Variants in RARB observed in about 807,000 individuals in gnomAD.
RARB encodes the protein retinoic acid receptor beta, also known as HBV-activated protein.
RARB carries 17 observed loss-of-function variants against 51.9 expected under a neutral mutation model. The observed-to-expected ratio is 0.33, with a 90% CI of 0.22 to 0.49. RARB has a LOEUF of 0.49. RARB is among the 20% of genes least tolerant of loss of function. The probability of loss-of-function intolerance (pLI) is 0.99; values close to 1 mark genes in which losing one functional copy is unlikely to be tolerated. For missense variants in RARB, 369 were observed against 550.8 expected (o/e 0.67, Z 3.30); for synonymous variants, 215 against 195.4 (o/e 1.10, Z -0.84).
intron 2 of RARB, among the ~76,000 whole-genome samples, chr3:25,039,185 A>G (rs1022990839): frequency 1.3e-5 from 2 of 152,206 alleles, no homozygotes; most frequent in Admixed American, 6.5e-5. Flanking sequence ...TACACTCTGC[A>G]TTTGATTAGA....
intron 4 of RARB, among the ~76,000 whole-genome samples, chr3:25,138,409 T>C (rs1041619600): frequency 1.3e-5 from 2 of 151,776 alleles, no homozygotes; most frequent in African/African-American, 2.4e-5. Context: ...AAAAGGACCA[T>C]TGATTCAGTC....
chr3:25,289,600 T>G lies in RARB; in HGVS notation c.178+115025T>G, dbSNP rs182543986. 1.5e-3 allele frequency among the ~76,000 whole-genome samples: 230 copies of G among 152,364 alleles called. 1 individual carries two copies. The highest frequency in any genetic ancestry group is 5.3e-3 in the African/African-American group (219 of 41,588). On this transcript the variant is annotated intron_variant, in intron 5 of 11. Coordinates refer to the RARB transcript ENST00000383772. Reference sequence around the variant, plus strand: ...CACATCCACTTGAAATAATTTCACTTGACTTCATTAAGCTTGAAGGATTGC... The same window carrying G: ...CACATCCACTTGAAATAATTTCACTGGACTTCATTAAGCTTGAAGGATTGC...
At chr3:25,558,326 C>G (rs1248597552) in intron 3 of RARB, among the ~76,000 whole-genome samples, 1 of 152,158 alleles carries the variant, frequency 6.6e-6, no homozygotes, top group Non-Finnish European at 1.5e-5. Flanking sequence ...TTGCCAAAAC[C>G]AATGAACTTT....
At chr3:25,406,562 T>C (rs980595877) in intron 5 of RARB, among the ~76,000 whole-genome samples, 1 of 152,210 alleles carries the variant, frequency 6.6e-6, no homozygotes, top group Non-Finnish European at 1.5e-5. Flanking sequence ...TATAAGGATA[T>C]TGGATAATCT....
At chr3:25,475,569 T>G (rs775754121) in intron 2 of RARB, among the ~76,000 whole-genome samples, 15 of 152,182 alleles carry the variant, frequency 9.9e-5, no homozygotes, top group Non-Finnish European at 1.6e-4. Context: ...AGAAAAATTT[T>G]GGGGCTTGAT....
At chr3:24,880,545 A>G (rs890688852) in intron 2 of RARB, among the ~76,000 whole-genome samples, 2 of 152,102 alleles carry the variant, frequency 1.3e-5, no homozygotes, top group African/African-American at 2.4e-5. Context: ...ACAGGAGAAA[A>G]ATCTTAGAAA....
chr3:25,354,264 T>A (rs1374245168), intron 5 of RARB, among the ~76,000 whole-genome samples: 1 of 151,930 alleles, frequency 6.6e-6, no homozygotes, highest in African/African-American at 2.4e-5. Flanking sequence ...ATCAGAAAAA[T>A]CCCCTGTAAC....
intron 4 of RARB, among the ~76,000 whole-genome samples, chr3:25,571,098 C>G (rs1700693838): frequency 6.6e-6 from 1 of 152,100 alleles, no homozygotes; most frequent in African/African-American, 2.4e-5. Context: ...CAGCACAAAC[C>G]TAGGTGGCTT....
At chr3:25,054,962 T>C (rs1203031878) in intron 2 of RARB, among the ~76,000 whole-genome samples, 1 of 152,130 alleles carries the variant, frequency 6.6e-6, no homozygotes, top group Non-Finnish European at 1.5e-5. Context: ...ATAAAATAAT[T>C]GTGAATTCTG....
intron 5 of RARB, among the ~76,000 whole-genome samples, chr3:25,281,820 C>T (rs530054113): frequency 1.7e-4 from 26 of 152,248 alleles, no homozygotes; most frequent in Admixed American, 8.5e-4. Context: ...CTTTATCCCC[C>T]GACATATCCA....
intron 2 of RARB, among the ~76,000 whole-genome samples, chr3:25,471,703 T>C (rs548267906): frequency 1.3e-5 from 2 of 152,308 alleles, no homozygotes; most frequent in South Asian, 2.1e-4. Flanking sequence ...GGAATGCTTG[T>C]GTAGATGCTT....
chr3:25,309,827 CAG>C (rs1432428900), intron 5 of RARB, among the ~76,000 whole-genome samples: 1 of 152,108 alleles, frequency 6.6e-6, no homozygotes, highest in Non-Finnish European at 1.5e-5. Flanking sequence ...AGTAATGAAA[CAG>C]ATGTCTCAAA....
At chr3:25,423,824 A>G (rs556119810), upstream of RARB, among the ~76,000 whole-genome samples, 7 of 152,380 alleles carry the variant, frequency 4.6e-5, no homozygotes, top group Admixed American at 3.9e-4. Context: ...TGTTGAGACA[A>G]TGCCACCAGC....
chr3:25,443,211 T>C (rs937047823), intron 1 of RARB, among the ~76,000 whole-genome samples: 1 of 152,170 alleles, frequency 6.6e-6, no homozygotes, highest in Non-Finnish European at 1.5e-5. Flanking sequence ...TGATGGGGGC[T>C]GTCAAAAACT....
chr3:24,840,134 G>A (rs1214563374), intron 1 of RARB, among the ~76,000 whole-genome samples: 5 of 152,196 alleles, frequency 3.3e-5, no homozygotes, highest in African/African-American at 1.2e-4. Context: ...AGAGGTTGTT[G>A]TGAAGATTAA....
At chr3:24,987,639 GA>G (rs1176563086) in intron 2 of RARB, among the ~76,000 whole-genome samples, 1 of 152,188 alleles carries the variant, frequency 6.6e-6, no homozygotes, top group African/African-American at 2.4e-5. Context: ...CCGGTTTTAA[GA>G]GAAAAATATA....
chr3:25,182,996 A>C (rs1045045462), intron 5 of RARB, among the ~76,000 whole-genome samples: 1 of 152,122 alleles, frequency 6.6e-6, no homozygotes, highest in African/African-American at 2.4e-5. Flanking sequence ...TTCCCCCCAC[A>C]GCTCTTAGAA....
At chr3:25,328,645 C>T (rs973373717) in intron 5 of RARB, among the ~76,000 whole-genome samples, 2 of 152,194 alleles carry the variant, frequency 1.3e-5, no homozygotes, top group African/African-American at 2.4e-5. Context: ...GCGTTTCCAA[C>T]TGAGGCACCA....
chr3:25,446,493 C>G (rs561681266), intron 1 of RARB, among the ~76,000 whole-genome samples: 1 of 152,124 alleles, frequency 6.6e-6, no homozygotes, highest in Admixed American at 6.6e-5. Flanking sequence ...ACAAAATTTG[C>G]AGACCCTGCC....
Sources: gnomAD v4.1 joint callset for allele counts (sites outside exome capture counted in the v4.1 genomes callset) on GRCh38, gnomAD v4.1.1 for gene constraint, MANE v1.5 for transcripts, NCBI Gene and HGNC (gene_info 2026-07-23, HGNC 2026-07-21) for gene names.